Variants in EML5 observed in about 807,000 individuals in gnomAD.
EML5 encodes EMAP like 5.
Under a neutral mutation model 250.0 loss-of-function variants are expected in EML5, and 120 were observed. That is an observed-to-expected ratio of 0.48 (90% CI 0.41 to 0.56). The LOEUF is 0.56. Among genes scored for constraint, EML5 ranks in the 20% least tolerant of loss-of-function variants. The probability of loss-of-function intolerance (pLI) is 0.00; values close to 1 mark genes in which losing one functional copy is unlikely to be tolerated. For missense variants in EML5, 2,006 were observed against 2,437.6 expected, an observed-to-expected ratio of 0.82 and a Z score of 3.73; for synonymous variants, 771 against 806.5, an observed-to-expected ratio of 0.96 and a Z score of 0.75.
chr14:88,662,876 A>C (rs2092170660), intron 24 of EML5, among the ~76,000 whole-genome samples, 155 bp downstream of exon 24: 1 of 151,894 alleles, frequency 6.6e-6, no homozygotes, highest in Admixed American at 6.6e-5. Flanking sequence ...TTCTTCCTTC[A>C]CCCATGTATT....
At position 88,660,144 on chromosome 14, in the gene EML5, A is replaced by G. The variant is rs568305949; in HGVS notation, c.3675+1510T>C. Among the ~76,000 whole-genome samples, 113 of 152,028 alleles carry G rather than the reference A, an allele frequency of 7.4e-4. 1 individual carries two copies. In the East Asian group the frequency reaches 0.015, roughly 21 times the overall value. On this transcript the variant is annotated intron_variant, in intron 25 of 43. Coordinates refer to ENST00000554922, the MANE Select transcript of EML5 (RefSeq NM_183387.3). ...AAATTTTTTTTTACATTAGCCAGGC[A>G]TGGTGGCATGTGCCTGTGGTCCCAG...
intron 5 of EML5, 31 bp from the exon 6 acceptor site, chr14:88,739,045 A>G: frequency 6.4e-7 from 1 of 1,565,212 alleles, no homozygotes; most frequent in East Asian, 2.3e-5. Context: ...ATTTAACGAC[A>G]AATATTTTTT....
chr14:88,779,111 AG>A (rs2094473169), intron 1 of EML5, among the ~76,000 whole-genome samples: 1 of 152,242 alleles, frequency 6.6e-6, no homozygotes, highest in African/African-American at 2.4e-5. Flanking sequence ...GTAACCACAA[AG>A]AACAGAACCC....
intron 8 of EML5, among the ~76,000 whole-genome samples, chr14:88,721,707 C>A (rs376716304): frequency 6.6e-6 from 1 of 152,036 alleles, no homozygotes; most frequent in Non-Finnish European, 1.5e-5. Context: ...CATGGGCATG[C>A]GCAAAGATTT....
intron 1 of EML5, among the ~76,000 whole-genome samples, chr14:88,762,582 C>T (rs577178799): frequency 5.3e-5 from 8 of 152,028 alleles, no homozygotes; most frequent in East Asian, 1.9e-4. Context: ...TTTAATACCC[C>T]GCTGTCAATA....
chr14:88,708,471 C>T (rs1337307044), intron 10 of EML5, among the ~76,000 whole-genome samples: 4 of 152,024 alleles, frequency 2.6e-5, no homozygotes, highest in African/African-American at 4.8e-5. Context: ...ATAGCAAACA[C>T]TCATTAGATA....
At position 88,661,760 on chromosome 14, in the gene EML5, A is replaced by G. The variant is rs766035883; in HGVS notation, c.3569T>C (p.Ile1190Thr). The G allele has an allele frequency of 4.3e-6, 7 of 1,613,700 alleles. No individual in the cohort carries two copies. Among genetic ancestry groups the G allele is most frequent in the South Asian group, 1.1e-5 (1 of 91,052 alleles). The change falls in exon 25 of 44, where the codon ATT (isoleucine) becomes ACT (threonine). Residue 1190 changes from isoleucine (I) to threonine (T), a missense_variant. Physicochemically the swap from Ile to Thr is moderately conservative, Grantham distance 89 (BLOSUM62 -1). Transcript: ENST00000554922. ...AGCAGTTACATCTGTAACTTCTCCA[A>G]TTACTGGCCAAATTCCTTCACAGCA... ...GLCCEGIWPV[I>T]GEVTDVTASC...
chr14:88,722,917 TAAA>T (rs533503687), intron 8 of EML5, among the ~76,000 whole-genome samples: 1 of 151,510 alleles, frequency 6.6e-6, no homozygotes, highest in African/African-American at 2.4e-5. Context: ...AAAATTAAAA[TAAA>T]AAAAATGTTC....
chr14:88,686,908 T>C (rs138302767), intron 19 of EML5, among the ~76,000 whole-genome samples: 3 of 152,312 alleles, frequency 2.0e-5, no homozygotes, highest in African/African-American at 7.2e-5. Context: ...AATATCAAAG[T>C]TGCACACAAG....
rs1555374469 is a variant in EML5, at chr14:88,759,698, A to AAAAACAAAAAAAAC, written c.198-5028_198-5027insGTTTTTTTTGTTTT. 8.0e-3 allele frequency among the ~76,000 whole-genome samples: 1,131 copies of AAAAACAAAAAAAAC among 142,198 alleles called. 42 individuals are homozygous for AAAAACAAAAAAAAC. The highest frequency in any genetic ancestry group is 0.029 in the African/African-American group (1,073 of 37,086). 93.3% of individuals were successfully genotyped at this position (142,198 alleles called of 152,430 possible). A position where few individuals can be genotyped will look rare whatever the true frequency, so the allele number is the denominator to read the frequency against. On this transcript the variant is annotated intron_variant, in intron 1 of 43. Coordinates refer to ENST00000554922, the MANE Select transcript of EML5 (RefSeq NM_183387.3). ...GTCACCATCTCTTAAAAAAAAAAAAAAAAAAACTGGGGAGAAAAACTATGC... is the reference window on the plus strand; with the variant it reads ...GTCACCATCTCTTAAAAAAAAAAAAAAAAACAAAAAAAACAAAAAACTGGGGAGAAAAACTATGC...
In EML5 at chr14:88,792,479, A is replaced by G; in HGVS notation, c.25T>C (p.Cys9Arg). MAARSAPS[C>R]HLRLEWVYGY... ...TACACCCACTCGAGCCGCAGGTGGC[A>G]GCTCGGGGCGCTCCGGGCCGCCATG... is the stretch of plus-strand genomic sequence containing the variant. The change falls in exon 1 of 44, where the codon TGC becomes CGC. Residue 9 changes from cysteine (C) to arginine (R), a missense_variant. Around this residue, in one of 7 missense-constraint regions of EML5, gnomAD observed 162 missense variants for 212.2 expected, o/e 0.76. Transcript: ENST00000554922. This position sits in a 1 kb window ranked among gnomAD's most constrained non-coding sequence, Gnocchi z 6.9. 1.4e-6 allele frequency: 2 copies of G among 1,465,034 alleles called. No homozygotes were observed. The highest frequency in any genetic ancestry group is 1.8e-6 in the Non-Finnish European group (2 of 1,102,356). The allele number at this position is 1,465,034 out of a possible 1,614,324, so 90.8% of individuals were successfully genotyped here.
At chr14:88,695,606 A>C (rs966059131) in intron 15 of EML5, among the ~76,000 whole-genome samples, 152 bp from the exon 16 acceptor site, 1 of 152,124 alleles carries the variant, frequency 6.6e-6, no homozygotes, top group Non-Finnish European at 1.5e-5. Context: ...AAGAACCAGA[A>C]TTTATAAGGG....
chr14:88,730,616 T>C (rs1039165069), intron 7 of EML5, among the ~76,000 whole-genome samples: 1 of 152,170 alleles, frequency 6.6e-6, no homozygotes, highest in Non-Finnish European at 1.5e-5. Flanking sequence ...TGATTCTTCA[T>C]GGGTTAACAG....
intron 1 of EML5, among the ~76,000 whole-genome samples, chr14:88,776,987 G>A (rs1396212244): frequency 6.6e-6 from 1 of 152,154 alleles, no homozygotes; most frequent in African/African-American, 2.4e-5. Flanking sequence ...TTAAAGAGGA[G>A]CTAGATAAAG....
chr14:88,758,941 G>A (rs978310224), intron 1 of EML5, among the ~76,000 whole-genome samples: 5 of 152,200 alleles, frequency 3.3e-5, no homozygotes, highest in African/African-American at 1.2e-4. Context: ...ATTATGAAAT[G>A]TCCAGAATAT....
chr14:88,647,687 CA>C (rs34191990), intron 28 of EML5, among the ~76,000 whole-genome samples: 3,358 of 48,312 alleles, frequency 0.07, 39 homozygotes, highest in African/African-American at 0.2. Flanking sequence ...GAGACCGTCT[CA>C]AAAAAAAAAA....
chr14:88,618,623 C>G (rs2088195525), intron 40 of EML5, 27 bp downstream of exon 40: 1 of 1,584,314 alleles, frequency 6.3e-7, no homozygotes, highest in South Asian at 1.2e-5. Context: ...GAACTTGCCA[C>G]CTGGGTATAC....
intron 10 of EML5, among the ~76,000 whole-genome samples, chr14:88,708,693 GTGC>G (rs1186687029): frequency 1.3e-5 from 2 of 152,096 alleles, no homozygotes; most frequent in African/African-American, 4.8e-5. Context: ...CAAAAGACTA[GTGC>G]TTGAGCATCA....
At chr14:88,698,599 T>A (rs1463755836) in intron 14 of EML5, among the ~76,000 whole-genome samples, 1 of 152,112 alleles carries the variant, frequency 6.6e-6, no homozygotes, top group Admixed American at 6.6e-5. Flanking sequence ...CCTTCTCAAT[T>A]TCCTCACCTG....
Sources: allele counts gnomAD v4.1 joint callset (sites outside exome capture counted in the v4.1 genomes callset), GRCh38; gene constraint gnomAD v4.1.1; regional missense constraint gnomAD v4.1.1; non-coding constraint Gnocchi (gnomAD v3.1); transcripts MANE v1.5; gene names NCBI Gene and HGNC (gene_info 2026-07-23, HGNC 2026-07-21).